FMN1: variants seen among roughly 807,000 people sequenced by gnomAD.
FMN1 encodes the protein formin-1.
A neutral mutation model predicts 132.4 loss-of-function variants in FMN1; 110 were observed. The ratio of observed to expected loss-of-function variants is 0.83; its 90% CI spans 0.71 to 0.97. The LOEUF (loss-of-function observed/expected upper bound fraction) is 0.97. Ranked by LOEUF, FMN1 falls within the 50% of genes least tolerant of loss-of-function variation. The pLI is 0.00. For synonymous variants in FMN1, 722 were observed against 651.7 expected, an observed-to-expected ratio of 1.11 and a Z score of -1.64; for missense variants, 1,792 against 1,705.3, an observed-to-expected ratio of 1.05 and a Z score of -0.90.
chr15:33,003,622 G>A (rs1277665583), intron 7 of FMN1, among the ~76,000 whole-genome samples: 2 of 152,178 alleles, frequency 1.3e-5, no homozygotes, highest in East Asian at 1.9e-4. Context: ...TACTGCCCAA[G>A]GTAATTTATA....
At chr15:33,075,697 G>A (rs2038181396) in intron 5 of FMN1, among the ~76,000 whole-genome samples, 1 of 152,160 alleles carries the variant, frequency 6.6e-6, no homozygotes, top group African/African-American at 2.4e-5. Context: ...TGAATTTGGG[G>A]TTTCTTCCAT....
intron 17 of FMN1, among the ~76,000 whole-genome samples, chr15:32,851,356 C>T (rs912370487): frequency 1.3e-5 from 2 of 152,172 alleles, no homozygotes; most frequent in African/African-American, 4.8e-5. Flanking sequence ...TACCTGGGAT[C>T]TAATCAGTTG....
At chr15:32,990,747 G>C (rs888661167) in intron 7 of FMN1, among the ~76,000 whole-genome samples, 1 of 152,162 alleles carries the variant, frequency 6.6e-6, no homozygotes, top group Admixed American at 6.5e-5. Flanking sequence ...GCCTGTGGAG[G>C]CCTCAGGAAA....
intron 17 of FMN1, among the ~76,000 whole-genome samples, chr15:32,815,225 A>C (rs891935178): frequency 6.6e-6 from 1 of 152,246 alleles, no homozygotes; most frequent in Non-Finnish European, 1.5e-5. Flanking sequence ...TACAGGCGTG[A>C]GCCATCGCGC....
intron 9 of FMN1, among the ~76,000 whole-genome samples, chr15:32,957,308 T>TGTTTTTG (rs2029903466): frequency 6.9e-6 from 1 of 144,298 alleles, no homozygotes; most frequent in South Asian, 2.3e-4. Context: ...CTTTTTTTTT[T>TGTTTTTG]TTTTTTTTTT....
At chr15:33,147,880 G>C (rs143623516) in intron 4 of FMN1, among the ~76,000 whole-genome samples, 36 of 152,156 alleles carry the variant, frequency 2.4e-4, no homozygotes, top group African/African-American at 8.0e-4. Flanking sequence ...AAGCAAGCAG[G>C]CACAATGGGA....
intron 6 of FMN1, among the ~76,000 whole-genome samples, chr15:33,045,167 T>C (rs1217885168): frequency 6.6e-6 from 1 of 152,216 alleles, no homozygotes; most frequent in Admixed American, 6.5e-5. Context: ...TGGTACATAG[T>C]CCAGCCATAG....
intron 16 of FMN1, among the ~76,000 whole-genome samples, chr15:32,883,641 G>A (rs2059825890): frequency 6.6e-6 from 1 of 150,708 alleles, no homozygotes; most frequent in Non-Finnish European, 1.5e-5. Context: ...CCTGCAGGCA[G>A]GACCCAGTAA....
At position 33,019,982 on chromosome 15, in the gene FMN1, G is replaced by A. The variant is rs371118797; in HGVS notation, c.2162-11907C>T. Reference sequence around the variant, plus strand: ...GGCCAGAATGGGCGCCAAGGCCGAGGAGGCACCGAGAGCGAGCGAGGGCTG... The same window carrying A: ...GGCCAGAATGGGCGCCAAGGCCGAGAAGGCACCGAGAGCGAGCGAGGGCTG... On this transcript the variant is annotated intron_variant, in intron 6 of 20. Coordinates refer to ENST00000616417, the MANE Select transcript of FMN1 (RefSeq NM_001277313.2). Among the ~76,000 whole-genome samples, 4 of 152,214 alleles carry A rather than the reference G, an allele frequency of 2.6e-5. No individual in the cohort carries two copies. The East Asian group carries it at 5.8e-4, about 22-fold the overall frequency.
intron 6 of FMN1, among the ~76,000 whole-genome samples, chr15:33,037,835 C>T (rs1181108438): frequency 1.3e-5 from 2 of 152,198 alleles, no homozygotes; most frequent in African/African-American, 4.8e-5. Context: ...TGAAAAATAA[C>T]ATGCATATTT....
At position 33,095,541 on chromosome 15, in the gene FMN1, T is replaced by A. The variant is rs1235341053; in HGVS notation, c.1868-6567A>T. Among the ~76,000 whole-genome samples the A allele has an allele frequency of 2.6e-5, 4 of 152,086 alleles. No homozygotes were observed. In the South Asian group the frequency reaches 6.2e-4, roughly 24 times the overall value. Reference sequence around the variant, plus strand: ...TCCCAAGTAGCTGGGACAACAGGTGTGCACCACCACACAAGGCTAGTTTTT... The same window carrying A: ...TCCCAAGTAGCTGGGACAACAGGTGAGCACCACCACACAAGGCTAGTTTTT... On this transcript the variant is annotated intron_variant, in intron 4 of 20. Coordinates refer to ENST00000616417, the MANE Select transcript of FMN1 (RefSeq NM_001277313.2).
intron 15 of FMN1, among the ~76,000 whole-genome samples, chr15:32,890,919 G>A (rs192388430): frequency 6.6e-6 from 1 of 152,138 alleles, no homozygotes; most frequent in Non-Finnish European, 1.5e-5. Context: ...TTTGTGTAAG[G>A]TGAGAGATGA....
chr15:32,938,230 AATC>A (rs1227252219), intron 9 of FMN1, among the ~76,000 whole-genome samples: 9 of 152,096 alleles, frequency 5.9e-5, no homozygotes, highest in African/African-American at 2.2e-4. Flanking sequence ...GACAATTAGA[AATC>A]ATCCAAATTT....
intron 4 of FMN1, among the ~76,000 whole-genome samples, chr15:33,090,515 C>T (rs1356937455): frequency 6.6e-6 from 1 of 152,086 alleles, no homozygotes; most frequent in African/African-American, 2.4e-5. Context: ...CACAAAACAC[C>T]TTTCTGCAAC....
intron 12 of FMN1, among the ~76,000 whole-genome samples, chr15:32,907,020 A>G (rs564413045): frequency 6.6e-6 from 1 of 152,228 alleles, no homozygotes; most frequent in African/African-American, 2.4e-5. Flanking sequence ...TCCTGAGTCT[A>G]AATGTCCAGG....
Position 32,777,849 on chromosome 15 carries a change from A to T in FMN1, c.4131-930T>A, listed in dbSNP as rs1487339202. 1.7e-4 allele frequency among the ~76,000 whole-genome samples: 13 copies of T among 77,258 alleles called. 2 individuals are homozygous for T. The highest frequency in any genetic ancestry group is 6.8e-4 in the African/African-American group (10 of 14,798). 50.7% of individuals were successfully genotyped at this position (77,258 alleles called of 152,430 possible). A position where few individuals can be genotyped will look rare whatever the true frequency, so the allele number is the denominator to read the frequency against. On this transcript the variant is annotated intron_variant, in intron 19 of 20. Coordinates refer to ENST00000616417, the MANE Select transcript of FMN1 (RefSeq NM_001277313.2). The stretch of plus-strand genomic sequence containing the variant: ...ATTATGTATAATATATAATACATTA[A>T]TTATATATTATGTATAATATATAAT...
intron 17 of FMN1, among the ~76,000 whole-genome samples, chr15:32,847,040 GGT>G (rs1232702282): frequency 3.3e-5 from 5 of 152,134 alleles, no homozygotes; most frequent in Admixed American, 6.5e-5. Context: ...ATCAGAAAGA[GGT>G]TAATGCAATT....
At chr15:32,892,826 A>G (rs2060064291) in intron 15 of FMN1, among the ~76,000 whole-genome samples, 1 of 152,044 alleles carries the variant, frequency 6.6e-6, no homozygotes, top group South Asian at 2.1e-4. Context: ...CATCTCTTCT[A>G]GGTTTTCTAG....
rs747880801 is a variant in FMN1, at chr15:32,774,363, GA to G, written c.4216-10del. The G allele has an allele frequency of 1.0e-4, 160 of 1,530,522 alleles. No homozygotes were observed. Among genetic ancestry groups the G allele is most frequent in the Admixed American group, 3.5e-4 (17 of 49,234 alleles). The allele number at this position is 1,530,522 out of a possible 1,614,324, so 94.8% of individuals were successfully genotyped here. On this transcript the variant is annotated splice_polypyrimidine_tract_variant and intron_variant, in intron 20 of 20. Transcript: ENST00000616417. ...TGACGCAGTCTTTCTTTCTGTTAAG[GA>G]AAAAAAAATGAATGTATCATTTTCT...
Sources: allele counts gnomAD v4.1 joint callset (sites outside exome capture counted in the v4.1 genomes callset), GRCh38; gene constraint gnomAD v4.1.1; transcripts MANE v1.5; gene names NCBI Gene and HGNC (gene_info 2026-07-23, HGNC 2026-07-21).